Variants in SLC35F3 observed in about 807,000 individuals in gnomAD.
SLC35F3 encodes the protein solute carrier family 35 member F3, also known as putative thiamine transporter SLC35F3.
A neutral mutation model predicts 49.9 loss-of-function variants in SLC35F3; 25 were observed. The observed-to-expected ratio is 0.50, with a 90% confidence interval of 0.37 to 0.70. The LOEUF is 0.70. Ranked by LOEUF, SLC35F3 falls within the 30% of genes least tolerant of loss-of-function variation. The pLI, the probability that SLC35F3 is intolerant of heterozygous loss-of-function variation, is 0.00. For synonymous variants in SLC35F3, 275 were observed against 265.4 expected (o/e 1.04, Z -0.35); for missense variants, 525 against 639.8 (o/e 0.82, Z 1.94).
intron 2 of SLC35F3, among the ~76,000 whole-genome samples, chr1:234,142,193 G>A (rs992813657): frequency 6.6e-6 from 1 of 152,308 alleles, no homozygotes; most frequent in South Asian, 2.1e-4. Flanking sequence ...ACATGACATC[G>A]CACTTAACAC....
rs139763502 is a variant in SLC35F3 at position 234,271,277 on chromosome 1, G to A, written c.609-37824G>A. On this transcript the variant is annotated intron_variant, in intron 3 of 7. Coordinates refer to ENST00000366618, the MANE Select transcript of SLC35F3 (RefSeq NM_173508.4). ...ATTCCTATTGTTGTCATGAGGGTCC[G>A]AGAAGGCACAAGAACTGAGCAAAAA... Among the ~76,000 whole-genome samples the A allele has an allele frequency of 3.9e-4, 59 of 152,252 alleles. 1 individual carries two copies. The East Asian group carries it at 8.3e-3, about 21-fold the overall frequency.
intron 2 of SLC35F3, among the ~76,000 whole-genome samples, chr1:234,039,830 G>A (rs931303743): frequency 6.6e-6 from 1 of 152,176 alleles, no homozygotes; most frequent in African/African-American, 2.4e-5. Context: ...CATCCAGGTG[G>A]GGGTGCCTGC....
chr1:234,322,904 A>T (rs1475701074), intron 7 of SLC35F3, 104 bp from the exon 8 acceptor site: 1 of 950,350 alleles, frequency 1.1e-6, no homozygotes, highest in Non-Finnish European at 1.6e-6. Context: ...AGGGAAGACC[A>T]CAACACTGCC....
intron 2 of SLC35F3, among the ~76,000 whole-genome samples, chr1:234,136,668 A>G (rs899303616): frequency 6.6e-6 from 1 of 152,268 alleles, no homozygotes; most frequent in Admixed American, 6.5e-5. Context: ...TACTCAACAA[A>G]CATATAGTGA....
intron 2 of SLC35F3, among the ~76,000 whole-genome samples, chr1:234,187,635 G>C (rs757608992): frequency 1.3e-5 from 2 of 152,176 alleles, no homozygotes; most frequent in Non-Finnish European, 2.9e-5. Context: ...CCATGAACGC[G>C]TGCCCTCACT....
At chr1:234,109,599 T>A (rs1220896210) in intron 2 of SLC35F3, among the ~76,000 whole-genome samples, 2 of 152,226 alleles carry the variant, frequency 1.3e-5, no homozygotes, top group Admixed American at 1.3e-4. Flanking sequence ...ATCTATAATA[T>A]GTATGTCCTC....
At chr1:233,940,353 C>T (rs1013403572) in intron 2 of SLC35F3, among the ~76,000 whole-genome samples, 10 of 112,612 alleles carry the variant, frequency 8.9e-5, no homozygotes, top group African/African-American at 1.4e-4. Flanking sequence ...GGGATACAGA[C>T]ACACACACAC....
chr1:233,955,157 GA>G (rs538734310), intron 2 of SLC35F3, among the ~76,000 whole-genome samples: 5 of 151,988 alleles, frequency 3.3e-5, no homozygotes, highest in African/African-American at 1.2e-4. Flanking sequence ...CTTCTTATGT[GA>G]AAAAAATCAG....
chr1:234,140,002 A>AATAAAAAATAAAATAAT, intron 2 of SLC35F3, among the ~76,000 whole-genome samples: 1 of 105,368 alleles, frequency 9.5e-6, no homozygotes, highest in Non-Finnish European at 2.4e-5. Flanking sequence ...AATAAAATAA[A>AATAAAAAATAAAATAAT]GTAAGTGACT....
At chr1:234,006,214 G>C (rs1201253334) in intron 2 of SLC35F3, among the ~76,000 whole-genome samples, 2 of 152,150 alleles carry the variant, frequency 1.3e-5, no homozygotes, top group Admixed American at 1.3e-4. Flanking sequence ...ATATATGACT[G>C]ATGGGAGAAT....
intron 2 of SLC35F3, among the ~76,000 whole-genome samples, chr1:234,227,630 C>A (rs1445477220): frequency 2.6e-5 from 4 of 152,048 alleles, no homozygotes; most frequent in African/African-American, 7.2e-5. Flanking sequence ...GATCTCCTGA[C>A]CTCGTGATCC....
intron 2 of SLC35F3, among the ~76,000 whole-genome samples, chr1:233,952,335 G>A (rs1571993906): frequency 6.6e-6 from 1 of 152,098 alleles, no homozygotes; most frequent in East Asian, 1.9e-4. Flanking sequence ...ACTTATCTTG[G>A]AAGCAGGTGA....
intron 2 of SLC35F3, among the ~76,000 whole-genome samples, chr1:234,060,666 G>A (rs1227825696): frequency 6.6e-6 from 1 of 152,030 alleles, no homozygotes; most frequent in East Asian, 1.9e-4. Context: ...TGCCCAGTCT[G>A]GTCTTGAATT....
In SLC35F3 at chr1:234,183,998, C is replaced by T. The variant is rs1293491299; in HGVS notation, c.284-47419C>T. ...ATCTTAAGAGACCTATCAGCTATAA[C>T]AAAAAAAGGAGCACTCAGTTCAAAT... On this transcript the variant is annotated intron_variant, in intron 2 of 7. Coordinates refer to ENST00000366618, the MANE Select transcript of SLC35F3 (RefSeq NM_173508.4). 1.7e-5 allele frequency among the ~76,000 whole-genome samples: 2 copies of T among 117,142 alleles called. 1 individual carries two copies. Among genetic ancestry groups the T allele is most frequent in the Non-Finnish European group, 3.6e-5 (2 of 55,820 alleles). The allele number at this position is 117,142 out of a possible 152,430, so 76.8% of individuals were successfully genotyped here.
At chr1:234,018,128 T>C (rs1052886760) in intron 2 of SLC35F3, among the ~76,000 whole-genome samples, 2 of 152,174 alleles carry the variant, frequency 1.3e-5, no homozygotes, top group African/African-American at 4.8e-5. Flanking sequence ...GGCAACTCTC[T>C]GCACATGTCC....
chr1:234,219,524 G>A (rs1283339752), intron 2 of SLC35F3, among the ~76,000 whole-genome samples: 5 of 152,212 alleles, frequency 3.3e-5, no homozygotes, highest in Admixed American at 1.3e-4. Flanking sequence ...CCAATCGAGT[G>A]AGGAATGTCA....
At chr1:234,194,698 T>G (rs1392308901) in intron 2 of SLC35F3, among the ~76,000 whole-genome samples, 1 of 152,056 alleles carries the variant, frequency 6.6e-6, no homozygotes, top group African/African-American at 2.4e-5. Context: ...GAAACATATG[T>G]GGGTGTCAAC....
intron 2 of SLC35F3, among the ~76,000 whole-genome samples, chr1:233,907,154 G>A (rs569157218): frequency 2.8e-4 from 42 of 152,292 alleles, no homozygotes; most frequent in Non-Finnish European, 4.9e-4. Flanking sequence ...TTAGAAAATA[G>A]CAATTTTCTA....
intron 3 of SLC35F3, among the ~76,000 whole-genome samples, chr1:234,259,823 T>C (rs1292627973): frequency 1.3e-5 from 2 of 152,112 alleles, no homozygotes; most frequent in African/African-American, 2.4e-5. Flanking sequence ...TATCTATAGA[T>C]CCATGAGCTA....
Sources: gnomAD v4.1 joint callset for allele counts (sites outside exome capture counted in the v4.1 genomes callset) on GRCh38, gnomAD v4.1.1 for gene constraint, MANE v1.5 for transcripts, NCBI Gene and HGNC (gene_info 2026-07-23, HGNC 2026-07-21) for gene names.